NTN4: variants seen among roughly 807,000 people sequenced by gnomAD.
NTN4 encodes netrin 4.
Under a neutral mutation model 73.6 loss-of-function variants are expected in NTN4, and 32 were observed. The observed-to-expected ratio is 0.44, with a 90% CI of 0.33 to 0.58. The LOEUF is 0.58. Ranked by LOEUF, NTN4 falls within the 20% of genes least tolerant of loss-of-function variation. The pLI, the probability that NTN4 is intolerant of heterozygous loss-of-function variation, is 0.04. For synonymous variants in NTN4, 258 were observed against 287.5 expected (o/e 0.90, Z 1.04); for missense variants, 654 against 798.3 (o/e 0.82, Z 2.18).
intron 7 of NTN4, among the ~76,000 whole-genome samples, chr12:95,677,663 A>G (rs2078283206): frequency 6.6e-6 from 1 of 152,226 alleles, no homozygotes; most frequent in South Asian, 2.1e-4. Flanking sequence ...ATAGCTTGAT[A>G]ATAATTGCCA....
intron 2 of NTN4, among the ~76,000 whole-genome samples, chr12:95,765,218 T>TTTGGGCC (rs2079012714): frequency 6.6e-6 from 1 of 152,208 alleles, no homozygotes; most frequent in South Asian, 2.1e-4. Context: ...TCAAAAAGAA[T>TTTGGGCC]TTGTAAAGTC....
Position 95,714,910 on chromosome 12 carries a change from T to C in NTN4, c.865-1572A>G, listed in dbSNP as rs191993572. On this transcript the variant is annotated intron_variant, in intron 3 of 9. Coordinates refer to ENST00000343702, the MANE Select transcript of NTN4 (RefSeq NM_021229.4). ...TGTGCTCAGAGTGGCCAAACCAAAA[T>C]GAGTCCCTAAGGTAAAGTTCAACAA... Among the ~76,000 whole-genome samples the C allele has an allele frequency of 3.1e-4, 47 of 152,270 alleles. 1 individual carries two copies. The South Asian group carries it at 7.5e-3, about 24-fold the overall frequency.
intron 7 of NTN4, among the ~76,000 whole-genome samples, chr12:95,678,956 A>T (rs2078295414): frequency 6.6e-6 from 1 of 152,210 alleles, no homozygotes; most frequent in African/African-American, 2.4e-5. Flanking sequence ...ATCTAAAGGT[A>T]TCTAGGAGTA....
intron 5 of NTN4, among the ~76,000 whole-genome samples, chr12:95,693,447 T>C (rs1232974440): frequency 1.3e-5 from 2 of 151,998 alleles, no homozygotes; most frequent in Non-Finnish European, 2.9e-5. Flanking sequence ...AATTAACTTA[T>C]TGGCCAGGTG....
intron 2 of NTN4, among the ~76,000 whole-genome samples, chr12:95,742,383 T>C (rs542516056): frequency 8.8e-5 from 13 of 147,828 alleles, no homozygotes; most frequent in Admixed American, 3.4e-4. Context: ...AAAAAAAGCA[T>C]GCTATATGTC....
chr12:95,728,923 C>T (rs1239999497), intron 3 of NTN4, among the ~76,000 whole-genome samples: 2 of 152,152 alleles, frequency 1.3e-5, no homozygotes, highest in African/African-American at 4.8e-5. Context: ...TGGAACCTCC[C>T]CTACCCTTGC....
intron 3 of NTN4, among the ~76,000 whole-genome samples, chr12:95,719,608 T>C (rs1223410296): frequency 6.6e-6 from 1 of 152,244 alleles, no homozygotes; most frequent in Non-Finnish European, 1.5e-5. Context: ...TAGAACCTGC[T>C]GCTCTTATTC....
chr12:95,744,070 T>A (rs1031841163), intron 2 of NTN4, among the ~76,000 whole-genome samples: 3 of 151,968 alleles, frequency 2.0e-5, no homozygotes, highest in African/African-American at 7.3e-5. Context: ...CCCGGCTAAT[T>A]TTTGCATTTT....
chr12:95,694,856 G>A (rs1429195913), intron 5 of NTN4, among the ~76,000 whole-genome samples: 2 of 152,092 alleles, frequency 1.3e-5, no homozygotes, highest in African/African-American at 4.8e-5. Flanking sequence ...GCCAGGCATG[G>A]TGGCTCATGC....
chr12:95,688,927 G>A (rs1355485371), intron 5 of NTN4, among the ~76,000 whole-genome samples: 2 of 152,158 alleles, frequency 1.3e-5, no homozygotes, highest in Non-Finnish European at 2.9e-5. Context: ...ACAGAAGCTG[G>A]AGAAATACAG....
intron 2 of NTN4, among the ~76,000 whole-genome samples, chr12:95,770,988 A>AATTTTTTTTTTTTTTTTTT (rs2079053316): frequency 8.6e-4 from 50 of 58,046 alleles, no homozygotes; most frequent in African/African-American, 2.0e-3. Context: ...CAGGAAAAGA[A>AATTTTTTTTTTTTTTTTTT]TTTGTTTTTT....
intron 3 of NTN4, among the ~76,000 whole-genome samples, chr12:95,717,194 C>T (rs1046199108): frequency 4.6e-5 from 7 of 152,230 alleles, no homozygotes; most frequent in Non-Finnish European, 7.4e-5. Flanking sequence ...TTCAAAGGAG[C>T]TCAACCATCA....
intron 3 of NTN4, among the ~76,000 whole-genome samples, chr12:95,727,839 G>C (rs1438743573): frequency 1.3e-5 from 2 of 152,196 alleles, no homozygotes; most frequent in Admixed American, 6.5e-5. Flanking sequence ...AAAAAGGGCA[G>C]CTAGAATTTT....
chr12:95,690,664 AAC>A (rs751451244), intron 5 of NTN4, among the ~76,000 whole-genome samples: 1 of 152,162 alleles, frequency 6.6e-6, no homozygotes, highest in Non-Finnish European at 1.5e-5. Context: ...CTATATTCAA[AAC>A]AGTGTAGACA....
chr12:95,752,015 C>T (rs973339220), intron 2 of NTN4, among the ~76,000 whole-genome samples: 4 of 151,316 alleles, frequency 2.6e-5, no homozygotes, highest in Admixed American at 6.6e-5. Flanking sequence ...GCCCTTCTTC[C>T]CAATCCAAAG....
chr12:95,716,613 T>C (rs10777720), intron 3 of NTN4, among the ~76,000 whole-genome samples: 123,512 of 152,022 alleles, frequency 0.81, 50,292 homozygotes, highest in South Asian at 0.86. Context: ...TCTTCCCTTT[T>C]TCCTTTTATG....
chr12:95,743,028 C>G (rs61938135), intron 2 of NTN4, among the ~76,000 whole-genome samples: 101 of 152,304 alleles, frequency 6.6e-4, no homozygotes, highest in Non-Finnish European at 1.3e-3. Flanking sequence ...TTTCAAAATG[C>G]TTTATGGATT....
chr12:95,726,827 G>A (rs61938133), intron 3 of NTN4, among the ~76,000 whole-genome samples: 7,464 of 152,100 alleles, frequency 0.049, 341 homozygotes, highest in Admixed American at 0.16. Flanking sequence ...AAAATTAGCC[G>A]GGCATGGTGG....
intron 2 of NTN4, among the ~76,000 whole-genome samples, chr12:95,741,087 A>G (rs950723384): frequency 6.6e-5 from 10 of 152,098 alleles, no homozygotes; most frequent in African/African-American, 2.4e-4. Context: ...TTGTTAGGCA[A>G]CTAGGTTGCT....
Sources: gnomAD v4.1 joint callset for allele counts (sites outside exome capture counted in the v4.1 genomes callset) on GRCh38, gnomAD v4.1.1 for gene constraint, MANE v1.5 for transcripts, NCBI Gene and HGNC (gene_info 2026-07-23, HGNC 2026-07-21) for gene names.